The following SLIT2 variants were observed in gnomAD, a reference collection of about 807,000 sequenced individuals.
The protein encoded by SLIT2 is slit guidance ligand 2.
SLIT2 carries 41 observed loss-of-function variants against 185.7 expected under a neutral mutation model. The ratio of observed to expected loss-of-function variants is 0.22; its 90% confidence interval spans 0.17 to 0.29. The LOEUF is 0.29. SLIT2 is among the 10% of genes least tolerant of loss of function. SLIT2 has a pLI of 1.00. For synonymous variants in SLIT2, 693 were observed against 680.2 expected (o/e 1.02, Z -0.29); for missense variants, 1,571 against 1,909.0 (o/e 0.82, Z 3.30).
At chr4:20,549,015 T>G (rs1447837978) in intron 23 of SLIT2, 42 bp from the exon 24 acceptor site, 2 of 1,190,730 alleles carry the variant, frequency 1.7e-6, no homozygotes, top group African/African-American at 3.0e-5. Flanking sequence ...TGGCCATTTT[T>G]GGATTTCTGA....
rs1042992456 is a variant in SLIT2, at chr4:20,368,365, A to G, written c.396-99387A>G. Among the ~76,000 whole-genome samples the G allele has an allele frequency of 2.6e-5, 4 of 151,876 alleles. No homozygotes were observed. In the East Asian group the frequency reaches 7.7e-4, roughly 29 times the overall value. On this transcript the variant is annotated intron_variant, in intron 4 of 36. Coordinates refer to ENST00000504154, the MANE Select transcript of SLIT2 (RefSeq NM_004787.4). ...ATTTAAAAAAAAAGATTAACAGAAA[A>G]CAAAACAAAACAAAAAAAAGAGAAA...
At chr4:20,262,823 G>A (rs1712626162) in intron 3 of SLIT2, among the ~76,000 whole-genome samples, 1 of 151,898 alleles carries the variant, frequency 6.6e-6, no homozygotes, top group Non-Finnish European at 1.5e-5. Context: ...GCTGTTACAA[G>A]TTTAGCAGAA....
intron 4 of SLIT2, among the ~76,000 whole-genome samples, chr4:20,461,166 C>T (rs1713666100): frequency 6.6e-6 from 1 of 152,100 alleles, no homozygotes; most frequent in Non-Finnish European, 1.5e-5. Flanking sequence ...CTCTCCATCT[C>T]ACGGTGATAG....
intron 4 of SLIT2, among the ~76,000 whole-genome samples, chr4:20,467,301 C>G (rs960092763): frequency 6.6e-6 from 1 of 152,042 alleles, no homozygotes; most frequent in East Asian, 1.9e-4. Flanking sequence ...CAGGTTTTAT[C>G]AGTTTTTACC....
At chr4:20,359,619 C>G (rs937641467) in intron 4 of SLIT2, among the ~76,000 whole-genome samples, 7 of 151,890 alleles carry the variant, frequency 4.6e-5, no homozygotes, top group Admixed American at 1.3e-4. Flanking sequence ...AGGTCTTGAA[C>G]CAAGCAGATA....
chr4:20,467,793 C>A lies in SLIT2; in HGVS notation c.437C>A (p.Ala146Asp). The A allele has an allele frequency of 6.3e-7, 1 of 1,596,632 alleles. No homozygotes were observed. The highest frequency in any genetic ancestry group is 8.6e-7 in the Non-Finnish European group (1 of 1,169,532). ...ENQIQAIPRKAFRGAVDIKNL... is the reference protein window; with the variant it reads ...ENQIQAIPRKDFRGAVDIKNL... ...CAAATTCAGGCAATCCCAAGGAAAGCTTTCCGTGGGGCAGTTGACATAAAA... is the reference window on the plus strand; with the variant it reads ...CAAATTCAGGCAATCCCAAGGAAAGATTTCCGTGGGGCAGTTGACATAAAA... The change falls in exon 5 of 37, where the codon GCT becomes GAT. Residue 146 changes from alanine (A) to aspartate (D), a missense_variant. This residue lies in a region of SLIT2 where 1,202 missense variants were observed against 1,416.4 expected (regional missense o/e 0.85). Coordinates refer to ENST00000504154, the MANE Select transcript of SLIT2 (RefSeq NM_004787.4).
At position 20,491,854 on chromosome 4, in the gene SLIT2, G is replaced by T. The variant is rs931306952; in HGVS notation, c.869G>T (p.Gly290Val). The change falls in exon 9 of 37, where the codon GGT becomes GTT. Residue 290 changes from glycine (G) to valine (V), a missense_variant. Physicochemically the swap from Gly to Val is moderately radical, Grantham distance 109 (BLOSUM62 -3). Around this residue, in one of 3 missense-constraint regions of SLIT2, gnomAD observed 1,202 missense variants for 1,416.4 expected, o/e 0.85. Coordinates refer to ENST00000504154, the MANE Select transcript of SLIT2 (RefSeq NM_004787.4). ...AATATCGTAGACTGTCGTGGGAAAG[G>T]TCTCACTGAGATCCCCACAAATCTT... ...SNNIVDCRGK[G>V]LTEIPTNLPE... 6.2e-6 allele frequency: 10 copies of T among 1,613,658 alleles called. No homozygotes were observed. In the Admixed American group the frequency reaches 6.7e-5, roughly 11 times the overall value.
intron 4 of SLIT2, among the ~76,000 whole-genome samples, chr4:20,417,436 G>GTATATATATATATATA (rs367855245): frequency 0.031 from 3,794 of 123,256 alleles, 84 homozygotes; most frequent in Non-Finnish European, 0.041. Context: ...ATGTGTGTGT[G>GTATATATATATATATA]TATATATATA....
intron 4 of SLIT2, among the ~76,000 whole-genome samples, chr4:20,312,771 CA>C (rs34372893): frequency 0.33 from 33,501 of 101,486 alleles, 2,549 homozygotes; most frequent in African/African-American, 0.43. Flanking sequence ...GACTTTGTCT[CA>C]AAAAAAAAAA....
chr4:20,497,476 G>A (rs918193479), intron 9 of SLIT2, among the ~76,000 whole-genome samples: 2 of 152,048 alleles, frequency 1.3e-5, no homozygotes, highest in South Asian at 2.1e-4. Flanking sequence ...CTAATACTCC[G>A]ACAAAAAGGA....
At chr4:20,536,755 T>A (rs954841181) in intron 18 of SLIT2, among the ~76,000 whole-genome samples, 1 of 144,490 alleles carries the variant, frequency 6.9e-6, no homozygotes, top group Non-Finnish European at 1.5e-5. Context: ...ATTGTTCAGC[T>A]GTATAAATTT....
At chr4:20,260,870 C>G (rs1247191426) in intron 3 of SLIT2, among the ~76,000 whole-genome samples, 2 of 151,844 alleles carry the variant, frequency 1.3e-5, no homozygotes, top group East Asian at 3.9e-4. Flanking sequence ...TTTCTTTCCT[C>G]CTCCTCTCCC....
At chr4:20,444,646 G>A (rs1306906437) in intron 4 of SLIT2, among the ~76,000 whole-genome samples, 1 of 152,062 alleles carries the variant, frequency 6.6e-6, no homozygotes, top group Non-Finnish European at 1.5e-5. Flanking sequence ...GTGCAGTATC[G>A]GTGCAATAAA....
At chr4:20,562,100 T>C (rs1724741282) in intron 26 of SLIT2, among the ~76,000 whole-genome samples, 1 of 151,826 alleles carries the variant, frequency 6.6e-6, no homozygotes, top group Non-Finnish European at 1.5e-5. Flanking sequence ...CTAACGATTT[T>C]TACAATGCAA....
chr4:20,480,700 C>G lies in SLIT2; in HGVS notation c.468-16C>G. 1 of 1,604,210 alleles carries G rather than the reference C, an allele frequency of 6.2e-7. No homozygotes were observed. The highest frequency in any genetic ancestry group is 8.5e-7 in the Non-Finnish European group (1 of 1,171,062). On this transcript the variant is annotated splice_polypyrimidine_tract_variant and intron_variant, in intron 5 of 36. Coordinates refer to ENST00000504154, the MANE Select transcript of SLIT2 (RefSeq NM_004787.4). ...GTCCATCCCTTCTACATATATTCTTCTAATCTTTTTAACAGGCAACTGGAT... is the reference window on the plus strand; with the variant it reads ...GTCCATCCCTTCTACATATATTCTTGTAATCTTTTTAACAGGCAACTGGAT...
At chr4:20,279,756 T>C (rs546328124) in intron 4 of SLIT2, among the ~76,000 whole-genome samples, 2 of 152,190 alleles carry the variant, frequency 1.3e-5, no homozygotes, top group East Asian at 3.8e-4. Flanking sequence ...ATGTACTTAC[T>C]TTTTTTGCTT....
At chr4:20,509,524 G>A (rs930973168) in intron 9 of SLIT2, among the ~76,000 whole-genome samples, 2 of 152,112 alleles carry the variant, frequency 1.3e-5, no homozygotes, top group Non-Finnish European at 2.9e-5. Context: ...CCCAGTGTCT[G>A]TCACTGGCAA....
chr4:20,280,319 C>G (rs535851279), intron 4 of SLIT2, among the ~76,000 whole-genome samples: 2 of 131,420 alleles, frequency 1.5e-5, no homozygotes, highest in African/African-American at 5.9e-5. Flanking sequence ...GGTGACAGAG[C>G]GAGACTCTGT....
intron 18 of SLIT2, among the ~76,000 whole-genome samples, chr4:20,535,307 G>A (rs1316114262): frequency 6.6e-6 from 1 of 151,746 alleles, no homozygotes; most frequent in Non-Finnish European, 1.5e-5. Context: ...TCATAAAAAA[G>A]AAAAGAAAAG....
Sources: allele counts gnomAD v4.1 joint callset (sites outside exome capture counted in the v4.1 genomes callset), GRCh38; gene constraint gnomAD v4.1.1; regional missense constraint gnomAD v4.1.1; transcripts MANE v1.5; gene names NCBI Gene and HGNC (gene_info 2026-07-23, HGNC 2026-07-21).